Variants in SYN3 observed in about 807,000 individuals in gnomAD.
SYN3 encodes the protein synapsin-3.
A neutral mutation model predicts 65.8 loss-of-function variants in SYN3; 35 were observed. The observed-to-expected ratio is 0.53, with a 90% confidence interval of 0.41 to 0.70. The LOEUF is 0.70. SYN3 is among the 30% of genes least tolerant of loss of function. The pLI, the probability that SYN3 is intolerant of heterozygous loss-of-function variation, is 0.00. For synonymous variants in SYN3, 270 were observed against 292.9 expected, an observed-to-expected ratio of 0.92 and a Z score of 0.80; for missense variants, 680 against 749.0, an observed-to-expected ratio of 0.91 and a Z score of 1.08.
intron 4 of SYN3, among the ~76,000 whole-genome samples, chr22:32,888,133 G>A (rs189653141): frequency 1.3e-4 from 20 of 152,062 alleles, no homozygotes; most frequent in African/African-American, 2.9e-4. Context: ...TGCTTCTGTC[G>A]AGTGGCTATT....
intron 6 of SYN3, among the ~76,000 whole-genome samples, chr22:32,834,209 G>A (rs566631714): frequency 6.6e-6 from 1 of 152,034 alleles, no homozygotes; most frequent in South Asian, 2.1e-4. Flanking sequence ...CTGGAGTGCA[G>A]TGGCACGATC....
At chr22:32,679,419 G>A (rs932938005) in intron 6 of SYN3, among the ~76,000 whole-genome samples, 3 of 152,042 alleles carry the variant, frequency 2.0e-5, no homozygotes, top group Non-Finnish European at 2.9e-5. Context: ...TGGCTATTAC[G>A]AATAATGCTG....
chr22:32,838,554 C>G (rs1225486659), intron 6 of SYN3, among the ~76,000 whole-genome samples: 2 of 152,148 alleles, frequency 1.3e-5, no homozygotes, highest in Non-Finnish European at 2.9e-5. Context: ...CTTCCACAGA[C>G]ACATCAACAA....
chr22:32,572,475 TTCCCTCCCTTCCTTTTCTTCC>T (rs2058789646), intron 7 of SYN3, among the ~76,000 whole-genome samples: 1 of 102,238 alleles, frequency 9.8e-6, no homozygotes, highest in African/African-American at 3.6e-5. Context: ...TTCTTTCTCC[TTCCCTCCCTTCCTTTTCTTCC>T]TTCCTTCCTC....
At chr22:32,931,183 G>T in intron 4 of SYN3, 1 of 484,514 alleles carries the variant, frequency 2.1e-6, no homozygotes, top group Non-Finnish European at 3.8e-6. Context: ...CAAGCCCAGG[G>T]CTCACTTGGG....
At chr22:32,616,267 C>T (rs960116923) in intron 6 of SYN3, among the ~76,000 whole-genome samples, 1 of 152,140 alleles carries the variant, frequency 6.6e-6, no homozygotes, top group African/African-American at 2.4e-5. Context: ...TGGTCCTTTA[C>T]TGCAGGCTCA....
At position 32,513,635 on chromosome 22, in the gene SYN3, G is replaced by A; in HGVS notation, c.*57C>T. 4 of 1,591,078 alleles carry A rather than the reference G, an allele frequency of 2.5e-6. No homozygotes were observed. The highest frequency in any genetic ancestry group is 3.4e-5 in the Admixed American group (2 of 58,776). ...AGGAACCAAGGCTGAGAAGGAAGAT[G>A]AGGCAGGAGGGGGACGAGTGTAGCA... On this transcript the variant is annotated 3_prime_UTR_variant, in exon 14 of 14. Coordinates refer to ENST00000358763, the MANE Select transcript of SYN3 (RefSeq NM_003490.4).
chr22:32,613,829 G>T (rs1294050787), intron 6 of SYN3, among the ~76,000 whole-genome samples: 1 of 152,096 alleles, frequency 6.6e-6, no homozygotes, highest in Non-Finnish European at 1.5e-5. Context: ...TTGTTTTTCA[G>T]CCCTGCCTAG....
At chr22:32,612,513 T>C (rs2059458939) in intron 6 of SYN3, among the ~76,000 whole-genome samples, 1 of 151,818 alleles carries the variant, frequency 6.6e-6, no homozygotes. Flanking sequence ...AGTAGAAAAA[T>C]AGTTTCGCTT....
chr22:32,956,810 T>C (rs1287253626), intron 3 of SYN3, among the ~76,000 whole-genome samples: 1 of 152,186 alleles, frequency 6.6e-6, no homozygotes, highest in Non-Finnish European at 1.5e-5. Context: ...GTAGAATTGC[T>C]GGATTGTACA....
intron 6 of SYN3, among the ~76,000 whole-genome samples, chr22:32,632,283 G>A (rs981918055): frequency 2.0e-5 from 3 of 152,196 alleles, no homozygotes; most frequent in African/African-American, 7.2e-5. Context: ...TGGCAACCTG[G>A]ACCTGGGCTT....
At chr22:33,045,663 C>T (rs1187210298) in intron 1 of SYN3, among the ~76,000 whole-genome samples, 1 of 151,610 alleles carries the variant, frequency 6.6e-6, no homozygotes, top group Non-Finnish European at 1.5e-5. Context: ...AGAGTTTCAC[C>T]GTGTTAGCCA....
At chr22:33,040,801 C>T (rs1379703748) in intron 1 of SYN3, among the ~76,000 whole-genome samples, 1 of 152,140 alleles carries the variant, frequency 6.6e-6, no homozygotes, top group Non-Finnish European at 1.5e-5. Context: ...TGCTGCCTTG[C>T]GAAGAAGGTG....
At chr22:32,916,627 A>G (rs1234342177) in intron 4 of SYN3, among the ~76,000 whole-genome samples, 1 of 152,134 alleles carries the variant, frequency 6.6e-6, no homozygotes, top group Non-Finnish European at 1.5e-5. Context: ...AATGGCTTTT[A>G]AAGTGGGGTC....
intron 6 of SYN3, among the ~76,000 whole-genome samples, chr22:32,660,269 C>T (rs1252693266): frequency 9.2e-5 from 14 of 152,302 alleles, no homozygotes; most frequent in African/African-American, 3.1e-4. Flanking sequence ...CCTTAAAAGG[C>T]GCTCCTTTTG....
In SYN3 at chr22:32,730,995, T is replaced by G. The variant is rs1481980899; in HGVS notation, c.711+133920A>C. ...CCCCTGGACAAGGCATGTCACCAGA[T>G]TGCACGGTCCCAGAGTCCCTGTGCT... is the stretch of plus-strand genomic sequence containing the variant. On this transcript the variant is annotated intron_variant, in intron 6 of 13. Coordinates refer to ENST00000358763, the MANE Select transcript of SYN3 (RefSeq NM_003490.4). 2.0e-5 allele frequency among the ~76,000 whole-genome samples: 3 copies of G among 152,144 alleles called. No homozygotes were observed. In the South Asian group the frequency reaches 6.2e-4, roughly 32 times the overall value.
At chr22:32,736,199 C>T (rs1296647823) in intron 6 of SYN3, among the ~76,000 whole-genome samples, 1 of 152,208 alleles carries the variant, frequency 6.6e-6, no homozygotes, top group African/African-American at 2.4e-5. Context: ...GGGACCATGA[C>T]CACAATCAAG....
In SYN3 at chr22:32,509,326, A is replaced by T. The variant is rs147547556; in HGVS notation, c.*4366T>A. Among the ~76,000 whole-genome samples the T allele has an allele frequency of 1.3e-4, 20 of 152,300 alleles. No homozygotes were observed. The highest frequency in any genetic ancestry group is 7.2e-4 in the Admixed American group (11 of 15,294). On this transcript the variant is annotated 3_prime_UTR_variant, in exon 14 of 14. Coordinates refer to ENST00000358763, the MANE Select transcript of SYN3 (RefSeq NM_003490.4). The stretch of plus-strand genomic sequence containing the variant: ...AAAATGCTAGCCTCTCTCTGGCTCA[A>T]AGTTGTGAAACAAAGCAAGAAAAAC...
At chr22:32,795,248 G>A (rs1394141810) in intron 6 of SYN3, among the ~76,000 whole-genome samples, 1 of 152,238 alleles carries the variant, frequency 6.6e-6, no homozygotes, top group African/African-American at 2.4e-5. Flanking sequence ...AGTTGAAGTT[G>A]ATAGAGAAAG....
Sources: gnomAD v4.1 joint callset for allele counts (sites outside exome capture counted in the v4.1 genomes callset) on GRCh38, gnomAD v4.1.1 for gene constraint, MANE v1.5 for transcripts, NCBI Gene and HGNC (gene_info 2026-07-23, HGNC 2026-07-21) for gene names.